ACTL6A: variants seen among roughly 807,000 people sequenced by gnomAD.
ACTL6A encodes the protein actin-like protein 6A.
In ACTL6A, 5 loss-of-function variants were observed where a neutral mutation model predicts 59.2. That is an observed-to-expected ratio of 0.08 (90% CI 0.04 to 0.18). The LOEUF is 0.18. Among genes scored for constraint, ACTL6A ranks in the 10% least tolerant of loss-of-function variants. ACTL6A has a pLI of 1.00. For synonymous variants in ACTL6A, 154 were observed against 171.8 expected (o/e 0.90, Z 0.81); for missense variants, 285 against 526.9 (o/e 0.54, Z 4.49).
At chr3:179,580,830 A>G (rs1381622953) in intron 9 of ACTL6A, 64 bp from the exon 10 acceptor site, 4 of 1,433,232 alleles carry the variant, frequency 2.8e-6, no homozygotes, top group Non-Finnish European at 3.8e-6. Context: ...ATTCCCTAGT[A>G]GTTTATAATT....
rs1170657831 is a variant in ACTL6A, at chr3:179,576,535, T to C, written c.572-85T>C. ...CAGTTCATTCTACCTGAAAAAGTTA[T>C]TCACATAAATACACCCACAGAGGAA... is the stretch of plus-strand genomic sequence containing the variant. On this transcript the variant is annotated intron_variant, in intron 6 of 13. Transcript: ENST00000429709. The C allele has an allele frequency of 6.6e-6, 7 of 1,063,160 alleles. No individual in the cohort carries two copies. In the Admixed American group the frequency reaches 8.5e-5, roughly 13 times the overall value. The allele number at this position is 1,063,160 out of a possible 1,614,324, so 65.9% of individuals were successfully genotyped here.
chr3:179,566,925 G>A (rs911422443), intron 1 of ACTL6A, among the ~76,000 whole-genome samples: 14 of 151,206 alleles, frequency 9.3e-5, no homozygotes, highest in African/African-American at 3.2e-4. Context: ...TCCTGACCTC[G>A]TAATCTGCCC....
chr3:179,584,940 A>T (rs1209758221), intron 12 of ACTL6A, among the ~76,000 whole-genome samples: 1 of 152,218 alleles, frequency 6.6e-6, no homozygotes, highest in African/African-American at 2.4e-5. Context: ...TCCCATATAA[A>T]ATAATGTTTT....
intron 1 of ACTL6A, 54 bp from the exon 2 acceptor site, chr3:179,569,770 T>G (rs1264855406): frequency 6.6e-7 from 1 of 1,521,404 alleles, no homozygotes; most frequent in Non-Finnish European, 9.1e-7. Flanking sequence ...GAGCTGTGAT[T>G]TTCATATGAT....
intron 8 of ACTL6A, among the ~76,000 whole-genome samples, chr3:179,577,452 G>C (rs1718200084): frequency 6.6e-6 from 1 of 151,678 alleles, no homozygotes; most frequent in South Asian, 2.1e-4. Context: ...AAAACAACCT[G>C]ATGCCACAGA....
In ACTL6A at chr3:179,563,030, T is replaced by C. The variant is rs1576845217; in HGVS notation, c.-63T>C. On this transcript the variant is annotated 5_prime_UTR_variant, in exon 1 of 14. Transcript: ENST00000429709. ...GGCTATCGCTCCTCGAGACTCGCAGTCGCGGCCACTGCAGTCACTTCGCCA... is the reference window on the plus strand; with the variant it reads ...GGCTATCGCTCCTCGAGACTCGCAGCCGCGGCCACTGCAGTCACTTCGCCA... 1 of 1,594,664 alleles carries C rather than the reference T, an allele frequency of 6.3e-7. No individual in the cohort carries two copies. The highest frequency in any genetic ancestry group is 2.3e-5 in the East Asian group (1 of 44,380).
intron 2 of ACTL6A, 66 bp downstream of exon 2, chr3:179,569,966 A>C: frequency 1.9e-6 from 3 of 1,581,036 alleles, no homozygotes; most frequent in Non-Finnish European, 1.7e-6. Flanking sequence ...TTATGCAGAA[A>C]TTCTGATTCA....
At chr3:179,580,550 A>T (rs1718305610) in intron 8 of ACTL6A, 90 bp from the exon 9 acceptor site, 1 of 928,594 alleles carries the variant, frequency 1.1e-6, no homozygotes. Context: ...GTCCAATTTC[A>T]TTCAGAAAAG....
At chr3:179,566,974 C>A (rs1717855616) in intron 1 of ACTL6A, among the ~76,000 whole-genome samples, 1 of 151,608 alleles carries the variant, frequency 6.6e-6, no homozygotes, top group South Asian at 2.1e-4. Flanking sequence ...CAGGTGTGAG[C>A]CACCGCGCGC....
intron 1 of ACTL6A, among the ~76,000 whole-genome samples, chr3:179,565,640 T>G (rs917954939): frequency 1.3e-5 from 2 of 151,982 alleles, no homozygotes; most frequent in African/African-American, 2.4e-5. Context: ...ATGCAAAGGT[T>G]AGCTGAGTGA....
chr3:179,567,904 T>C (rs1717885462), intron 1 of ACTL6A, among the ~76,000 whole-genome samples: 1 of 152,214 alleles, frequency 6.6e-6, no homozygotes, highest in South Asian at 2.1e-4. Flanking sequence ...CTGGGCGCGG[T>C]GGCTAACACC....
At chr3:179,567,705 TA>T (rs1297509355) in intron 1 of ACTL6A, among the ~76,000 whole-genome samples, 1 of 152,234 alleles carries the variant, frequency 6.6e-6, no homozygotes, top group East Asian at 1.9e-4. Flanking sequence ...TACTCAAGTT[TA>T]GGTGCTGTGG....
At chr3:179,586,467 G>A (rs9818068) in intron 12 of ACTL6A, 79 bp from the exon 13 acceptor site, 430,747 of 746,532 alleles carry the variant, frequency 0.58, 98,272 homozygotes, top group African/African-American at 0.79. Flanking sequence ...GTCTCTATTT[G>A]AAAAAAAAAA....
At chr3:179,573,291 A>G in intron 3 of ACTL6A, 78 bp from the exon 4 acceptor site, 1 of 957,396 alleles carries the variant, frequency 1.0e-6, no homozygotes, top group Admixed American at 2.8e-5. Flanking sequence ...TTGTTAAGTC[A>G]TAGAAACAAT....
chr3:179,565,647 G>T (rs372739360), intron 1 of ACTL6A, among the ~76,000 whole-genome samples: 2 of 152,026 alleles, frequency 1.3e-5, no homozygotes, highest in East Asian at 3.8e-4. Flanking sequence ...GGTTAGCTGA[G>T]TGAGAGTATG....
intron 1 of ACTL6A, among the ~76,000 whole-genome samples, chr3:179,565,563 G>A (rs901712510): frequency 4.0e-5 from 6 of 148,422 alleles, no homozygotes; most frequent in East Asian, 3.9e-4. Flanking sequence ...ATTCCGTGTG[G>A]TGGAGTCAAG....
chr3:179,568,208 A>G (rs1243272682), intron 1 of ACTL6A, among the ~76,000 whole-genome samples: 1 of 151,980 alleles, frequency 6.6e-6, no homozygotes. Flanking sequence ...TCATTCTGCA[A>G]AGCTACTGTC....
At chr3:179,573,315 C>G (rs1197835519) in intron 3 of ACTL6A, 54 bp from the exon 4 acceptor site, 1 of 1,165,106 alleles carries the variant, frequency 8.6e-7, no homozygotes, top group Non-Finnish European at 1.2e-6. Context: ...TCAAAAGATG[C>G]TATATTCATC....
chr3:179,579,451 C>CT (rs1718265709), intron 8 of ACTL6A, among the ~76,000 whole-genome samples: 1 of 137,494 alleles, frequency 7.3e-6, no homozygotes, highest in South Asian at 2.3e-4. Context: ...TTATTTATAT[C>CT]ATATACACAC....
Sources: gnomAD v4.1 joint callset for allele counts (sites outside exome capture counted in the v4.1 genomes callset) on GRCh38, gnomAD v4.1.1 for gene constraint, MANE v1.5 for transcripts, NCBI Gene and HGNC (gene_info 2026-07-23, HGNC 2026-07-21) for gene names.